CSMD3: variants seen among roughly 807,000 people sequenced by gnomAD.
The protein encoded by CSMD3 is CUB and sushi domain-containing protein 3.
Under a neutral mutation model 435.2 loss-of-function variants are expected in CSMD3, and 177 were observed. The observed-to-expected ratio is 0.41, with a 90% CI of 0.36 to 0.46. CSMD3 has a LOEUF of 0.46. CSMD3 is among the 20% of genes least tolerant of loss of function. CSMD3 has a pLI of 0.34. For missense variants in CSMD3, 4,265 were observed against 4,504.6 expected (o/e 0.95, Z 1.52); for synonymous variants, 1,656 against 1,520.5 (o/e 1.09, Z -2.07).
At chr8:112,999,255 G>C (rs965165121) in intron 6 of CSMD3, among the ~76,000 whole-genome samples, 1 of 151,934 alleles carries the variant, frequency 6.6e-6, no homozygotes, top group Non-Finnish European at 1.5e-5. Context: ...ATTTTAAATA[G>C]AGTAGTTCGG....
intron 4 of CSMD3, among the ~76,000 whole-genome samples, chr8:113,130,864 T>C (rs1031485074): frequency 6.6e-6 from 1 of 152,108 alleles, no homozygotes; most frequent in Non-Finnish European, 1.5e-5. Context: ...CAGATGGAGA[T>C]GTTAAACTTT....
intron 1 of CSMD3, chr8:113,377,049 C>T (rs1464985183): frequency 1.3e-5 from 12 of 951,864 alleles, no homozygotes; most frequent in Non-Finnish European, 1.3e-5. Flanking sequence ...CGGAGCGGAG[C>T]GGGGCGCGGG....
At chr8:112,734,890 T>C (rs1262334987) in intron 13 of CSMD3, among the ~76,000 whole-genome samples, 1 of 151,992 alleles carries the variant, frequency 6.6e-6, no homozygotes, top group Non-Finnish European at 1.5e-5. Context: ...TCTATCATAC[T>C]CATTTTTCTG....
intron 37 of CSMD3, among the ~76,000 whole-genome samples, chr8:112,380,707 T>G (rs1332082466): frequency 6.6e-6 from 1 of 152,180 alleles, no homozygotes; most frequent in African/African-American, 2.4e-5. Context: ...CAAAAAGAGC[T>G]TGTGAAAGTT....
chr8:112,263,313 A>T (rs1343165950), intron 61 of CSMD3, among the ~76,000 whole-genome samples: 1 of 152,162 alleles, frequency 6.6e-6, no homozygotes, highest in Non-Finnish European at 1.5e-5. Flanking sequence ...AAGATTTGGG[A>T]ACAAATTTCA....
Position 113,386,881 on chromosome 8 carries a change from G to A in CSMD3, c.178+49796C>T, listed in dbSNP as rs186774079. On this transcript the variant is annotated intron_variant, in intron 1 of 70. Transcript: ENST00000297405. ...CACTAAATCAGAAAGTCATTGTGCC[G>A]AAGAAAATATGATCCAAAATTTACA... Among the ~76,000 whole-genome samples, 55 of 151,826 alleles carry A rather than the reference G, an allele frequency of 3.6e-4. No individual in the cohort carries two copies. In the East Asian group the frequency reaches 5.0e-3, roughly 14 times the overall value.
At chr8:112,718,089 T>C (rs1234704059) in intron 13 of CSMD3, among the ~76,000 whole-genome samples, 1 of 151,950 alleles carries the variant, frequency 6.6e-6, no homozygotes, top group East Asian at 1.9e-4. Context: ...TAAAAAATAA[T>C]AAAAAATAGA....
intron 59 of CSMD3, among the ~76,000 whole-genome samples, chr8:112,278,786 G>A (rs1818335499): frequency 6.6e-6 from 1 of 152,054 alleles, no homozygotes; most frequent in Non-Finnish European, 1.5e-5. Flanking sequence ...AAAAGATTCT[G>A]GTTCTCAGGG....
intron 9 of CSMD3, among the ~76,000 whole-genome samples, chr8:112,938,525 A>T (rs1279592558): frequency 6.6e-6 from 1 of 152,206 alleles, no homozygotes; most frequent in Non-Finnish European, 1.5e-5. Flanking sequence ...AGATTGGCAG[A>T]ATCTTATTTT....
At chr8:112,536,194 C>T (rs1162363422) in intron 27 of CSMD3, among the ~76,000 whole-genome samples, 1 of 151,086 alleles carries the variant, frequency 6.6e-6, no homozygotes, top group Admixed American at 6.6e-5. Flanking sequence ...AACTAAAGAG[C>T]TTCTGCACAG....
intron 24 of CSMD3, among the ~76,000 whole-genome samples, chr8:112,569,614 G>A (rs1829339133): frequency 6.6e-6 from 1 of 152,058 alleles, no homozygotes; most frequent in Non-Finnish European, 1.5e-5. Flanking sequence ...GGCAAGTGTT[G>A]CTAACTCAAC....
chr8:113,273,767 C>A (rs2093548342), intron 3 of CSMD3, among the ~76,000 whole-genome samples: 1 of 152,086 alleles, frequency 6.6e-6, no homozygotes, highest in Non-Finnish European at 1.5e-5. Flanking sequence ...TGATATCTGA[C>A]AGAATTTCAC....
intron 1 of CSMD3, among the ~76,000 whole-genome samples, chr8:113,359,221 C>G (rs1488919612): frequency 6.6e-6 from 1 of 152,152 alleles, no homozygotes; most frequent in Non-Finnish European, 1.5e-5. Context: ...ATTTACTTCT[C>G]ATCTCACAGG....
chr8:112,904,530 G>C (rs1042594742), intron 10 of CSMD3, among the ~76,000 whole-genome samples: 8 of 151,582 alleles, frequency 5.3e-5, no homozygotes, highest in African/African-American at 1.7e-4. Context: ...ACTTAGGAGA[G>C]CTACTGGGAG....
At position 112,638,840 on chromosome 8, in the gene CSMD3, T is replaced by A. The variant is rs2131589727; in HGVS notation, c.3382A>T (p.Ser1128Cys). ...HDYLLITENG[S>C]FTQPLARLTG... Reference sequence around the variant, plus strand: ...AGGCGTGCCAGTGGTTGGGTAAAACTGCCATTCTCTGTGATCAGTAAGTAG... The same window carrying A: ...AGGCGTGCCAGTGGTTGGGTAAAACAGCCATTCTCTGTGATCAGTAAGTAG... The change falls in exon 21 of 71, where the codon AGT (serine) becomes TGT (cysteine). Residue 1128 changes from serine to cysteine, a missense_variant. Physicochemically the swap from Ser to Cys is moderately radical, Grantham distance 112. This residue lies in a region of CSMD3 where 3,255 missense variants were observed against 3,380.2 expected (regional missense o/e 0.96). Transcript: ENST00000297405. The A allele has an allele frequency of 6.2e-7, 1 of 1,613,312 alleles. No homozygotes were observed. The highest frequency in any genetic ancestry group is 8.5e-7 in the Non-Finnish European group (1 of 1,179,528).
chr8:112,241,233 C>A (rs545697599), intron 66 of CSMD3, among the ~76,000 whole-genome samples: 42 of 152,042 alleles, frequency 2.8e-4, no homozygotes, highest in African/African-American at 9.4e-4. Context: ...AAATGAGATA[C>A]ATCAAGGTTG....
At chr8:113,245,988 A>T (rs2093272251) in intron 3 of CSMD3, among the ~76,000 whole-genome samples, 1 of 151,962 alleles carries the variant, frequency 6.6e-6, no homozygotes. Flanking sequence ...CTTATTGAAG[A>T]TCCCTTATGT....
At chr8:112,575,804 G>C (rs994236309) in intron 23 of CSMD3, among the ~76,000 whole-genome samples, 1 of 152,072 alleles carries the variant, frequency 6.6e-6, no homozygotes, top group East Asian at 1.9e-4. Flanking sequence ...TTGTATGTCT[G>C]TGAGTCTGAA....
rs184201155 is a variant in CSMD3 at position 112,407,553 on chromosome 8, A to C, written c.5605+765T>G. Among the ~76,000 whole-genome samples the C allele has an allele frequency of 2.4e-4, 37 of 152,114 alleles. No individual in the cohort carries two copies. In the East Asian group the frequency reaches 7.1e-3, roughly 29 times the overall value. ...TCCATTCATTATAGTGCCTTTTTGCAGTCGTAATACCACACATTGTTTCCA... is the reference window on the plus strand; with the variant it reads ...TCCATTCATTATAGTGCCTTTTTGCCGTCGTAATACCACACATTGTTTCCA... On this transcript the variant is annotated intron_variant, in intron 34 of 70. Transcript: ENST00000297405.
Sources: gnomAD v4.1 joint callset for allele counts (sites outside exome capture counted in the v4.1 genomes callset) on GRCh38, gnomAD v4.1.1 for gene constraint, gnomAD v4.1.1 regional missense constraint, MANE v1.5 for transcripts, NCBI Gene and HGNC (gene_info 2026-07-23, HGNC 2026-07-21) for gene names.